TYW1B: variants seen among roughly 807,000 people sequenced by gnomAD.
TYW1B encodes tRNA-yW synthesizing protein 1 homolog B.
TYW1B carries 73 observed loss-of-function variants against 86.9 expected under a neutral mutation model. The observed-to-expected ratio is 0.84, with a 90% CI of 0.70 to 1.02. The LOEUF is 1.02. TYW1B is among the 50% of genes least tolerant of loss of function. The probability of loss-of-function intolerance (pLI) is 0.00; values close to 1 mark genes in which losing one functional copy is unlikely to be tolerated. For synonymous variants in TYW1B, 248 were observed against 292.8 expected (o/e 0.85, Z 1.56); for missense variants, 637 against 827.4 (o/e 0.77, Z 2.82).
At chr7:72,785,149 T>TAA (rs1219983141) in intron 6 of TYW1B, among the ~76,000 whole-genome samples, 1 of 151,894 alleles carries the variant, frequency 6.6e-6, no homozygotes, top group Non-Finnish European at 1.5e-5. Flanking sequence ...TACTTCAAAT[T>TAA]ATCTTCAGTC....
chr7:72,624,325 C>T (rs1812290470), intron 12 of TYW1B, among the ~76,000 whole-genome samples: 1 of 152,164 alleles, frequency 6.6e-6, no homozygotes, highest in Non-Finnish European at 1.5e-5. Flanking sequence ...AATTAATAAA[C>T]ATTTCCCTCC....
At chr7:72,712,635 AT>A (rs1469765726) in intron 10 of TYW1B, among the ~76,000 whole-genome samples, 2 of 152,152 alleles carry the variant, frequency 1.3e-5, no homozygotes, top group African/African-American at 4.8e-5. Flanking sequence ...GCTTAACAGC[AT>A]CTTTTTTAAG....
intron 11 of TYW1B, among the ~76,000 whole-genome samples, chr7:72,648,098 T>A (rs1345002892): frequency 6.6e-6 from 1 of 152,036 alleles, no homozygotes; most frequent in South Asian, 2.1e-4. Context: ...AAAATTAAGG[T>A]TTAGAAAGAA....
chr7:72,640,409 G>A (rs1287050792), intron 11 of TYW1B, among the ~76,000 whole-genome samples: 1 of 151,836 alleles, frequency 6.6e-6, no homozygotes, highest in African/African-American at 2.4e-5. Flanking sequence ...AATACTGACT[G>A]CATGACACAA....
chr7:72,685,208 T>A (rs1280536848), intron 11 of TYW1B, among the ~76,000 whole-genome samples: 2 of 151,770 alleles, frequency 1.3e-5, no homozygotes. Context: ...GGACTTCAAT[T>A]ACTAGTAGAC....
intron 2 of TYW1B, among the ~76,000 whole-genome samples, chr7:72,821,897 A>G (rs1470802319): frequency 3.3e-5 from 5 of 152,160 alleles, no homozygotes; most frequent in African/African-American, 1.2e-4. Context: ...ATGATGCTCT[A>G]AGAAAGGTAA....
At chr7:72,636,849 G>C (rs1331923096) in intron 11 of TYW1B, among the ~76,000 whole-genome samples, 1 of 152,040 alleles carries the variant, frequency 6.6e-6, no homozygotes, top group Non-Finnish European at 1.5e-5. Context: ...AGTAAAAATC[G>C]CTTTTGTCTT....
intron 11 of TYW1B, among the ~76,000 whole-genome samples, chr7:72,687,788 G>A (rs1221695721): frequency 2.0e-5 from 3 of 152,096 alleles, no homozygotes; most frequent in Admixed American, 6.6e-5. Context: ...AGGCACAGTG[G>A]CTCATGCCTG....
intron 11 of TYW1B, among the ~76,000 whole-genome samples, chr7:72,644,890 C>G (rs563581160): frequency 1.3e-5 from 2 of 149,044 alleles, no homozygotes; most frequent in Non-Finnish European, 3.0e-5. Flanking sequence ...TGCAGTGCCG[C>G]GATCTCGGCT....
intron 13 of TYW1B, among the ~76,000 whole-genome samples, chr7:72,598,671 TG>T (rs1811590037): frequency 6.6e-6 from 1 of 152,016 alleles, no homozygotes; most frequent in African/African-American, 2.4e-5. Flanking sequence ...CAAGTAAGAG[TG>T]GGCTACTCAA....
chr7:72,765,829 A>C (rs1336053034), intron 7 of TYW1B, among the ~76,000 whole-genome samples: 2 of 152,178 alleles, frequency 1.3e-5, no homozygotes, highest in Non-Finnish European at 1.5e-5. Flanking sequence ...AAAAAGGTTC[A>C]CCCAACTGCC....
chr7:72,818,915 C>T (rs561934338), intron 2 of TYW1B, among the ~76,000 whole-genome samples: 3 of 152,074 alleles, frequency 2.0e-5, no homozygotes, highest in Non-Finnish European at 4.4e-5. Context: ...AAGCACCTCC[C>T]GCCAAGCCCC....
At chr7:72,595,693 TA>T (rs1413153427) in intron 13 of TYW1B, among the ~76,000 whole-genome samples, 9 of 151,546 alleles carry the variant, frequency 5.9e-5, no homozygotes, top group Non-Finnish European at 1.2e-4. Context: ...AAAAAATAAA[TA>T]AATAAATATA....
intron 13 of TYW1B, among the ~76,000 whole-genome samples, chr7:72,601,426 G>A (rs1242617168): frequency 6.6e-6 from 1 of 151,972 alleles, no homozygotes; most frequent in Non-Finnish European, 1.5e-5. Context: ...TCAATGGTGG[G>A]AATGCAAAAT....
At chr7:72,592,098 C>T (rs1321103791) in intron 13 of TYW1B, among the ~76,000 whole-genome samples, 1 of 143,638 alleles carries the variant, frequency 7.0e-6, no homozygotes, top group African/African-American at 2.6e-5. Context: ...GCTGGGATTA[C>T]AGGCGTCAGC....
At chr7:72,748,872 G>C (rs572916143) in intron 7 of TYW1B, among the ~76,000 whole-genome samples, 15 of 152,120 alleles carry the variant, frequency 9.9e-5, no homozygotes, top group African/African-American at 3.4e-4. Context: ...AAATTCCTGA[G>C]AGATTAGTCT....
At chr7:72,577,502 T>A (rs1238109762) in intron 13 of TYW1B, among the ~76,000 whole-genome samples, 1 of 152,160 alleles carries the variant, frequency 6.6e-6, no homozygotes, top group Non-Finnish European at 1.5e-5. Context: ...GTGGAAGCAA[T>A]CACTGTCATT....
intron 12 of TYW1B, among the ~76,000 whole-genome samples, chr7:72,619,228 T>TC (rs1554437483): frequency 6.6e-6 from 1 of 151,840 alleles, no homozygotes; most frequent in South Asian, 2.1e-4. Flanking sequence ...AGCTTTCTTT[T>TC]CCCCCCTCAA....
intron 12 of TYW1B, among the ~76,000 whole-genome samples, chr7:72,617,613 T>C (rs1416530518): frequency 2.0e-5 from 3 of 152,198 alleles, no homozygotes; most frequent in Non-Finnish European, 2.9e-5. Context: ...GCAATCTACC[T>C]GCCCCGGCCT....
Sources: gnomAD v4.1 joint callset for allele counts (sites outside exome capture counted in the v4.1 genomes callset) on GRCh38, gnomAD v4.1.1 for gene constraint, MANE v1.5 for transcripts, NCBI Gene and HGNC (gene_info 2026-07-23, HGNC 2026-07-21) for gene names.